The following PTPRS variants were observed in gnomAD, a reference collection of about 807,000 sequenced individuals.
The protein encoded by PTPRS is protein tyrosine phosphatase receptor type S.
PTPRS carries 63 observed loss-of-function variants against 215.3 expected under a neutral mutation model. The ratio of observed to expected loss-of-function variants is 0.29; its 90% confidence interval spans 0.24 to 0.36. PTPRS has a LOEUF of 0.36. Ranked by LOEUF, PTPRS falls within the 10% of genes least tolerant of loss-of-function variation. PTPRS has a pLI of 1.00. For synonymous variants in PTPRS, 1,404 were observed against 1,191.4 expected, an observed-to-expected ratio of 1.18 and a Z score of -3.68; for missense variants, 2,258 against 2,825.8, an observed-to-expected ratio of 0.80 and a Z score of 4.56.
At chr19:5,248,415 G>A (rs1005353630) in intron 9 of PTPRS, among the ~76,000 whole-genome samples, 10 of 151,726 alleles carry the variant, frequency 6.6e-5, no homozygotes, top group African/African-American at 2.4e-4. Flanking sequence ...TGGAATGGGT[G>A]TGGGGCTGAA....
intron 1 of PTPRS, among the ~76,000 whole-genome samples, chr19:5,336,030 G>C (rs1305676161): frequency 6.8e-6 from 1 of 148,138 alleles, no homozygotes; most frequent in Non-Finnish European, 1.5e-5. Context: ...AAAAAAAAAA[G>C]AGAGAGACAA....
chr19:5,242,628 C>A (rs925943870), intron 11 of PTPRS, among the ~76,000 whole-genome samples: 7 of 152,080 alleles, frequency 4.6e-5, no homozygotes, highest in Non-Finnish European at 8.8e-5. Flanking sequence ...ATCCACCCGC[C>A]TCAGCCTCCT....
chr19:5,314,600 G>GGC (rs369656645), intron 1 of PTPRS, among the ~76,000 whole-genome samples: 20 of 151,496 alleles, frequency 1.3e-4, no homozygotes, highest in African/African-American at 4.8e-4. Context: ...ATGTTGCCCA[G>GGC]GCTGGTCTTG....
At chr19:5,225,236 C>T (rs2042375801) in intron 17 of PTPRS, among the ~76,000 whole-genome samples, 1 of 151,982 alleles carries the variant, frequency 6.6e-6, no homozygotes. Context: ...ACAGGTGCAC[C>T]ACCCTGAAAT....
intron 1 of PTPRS, among the ~76,000 whole-genome samples, chr19:5,300,687 G>A (rs915729070): frequency 1.4e-5 from 2 of 147,766 alleles, no homozygotes; most frequent in Admixed American, 1.4e-4. Context: ...AGGATTGCTT[G>A]AGCCCAAGAG....
chr19:5,216,697 CA>C, intron 26 of PTPRS, 22 bp downstream of exon 26: 3 of 1,537,518 alleles, frequency 2.0e-6, no homozygotes, highest in South Asian at 1.2e-5. Flanking sequence ...GAAAGGAAGC[CA>C]AAAACAGACA....
intron 5 of PTPRS, among the ~76,000 whole-genome samples, chr19:5,263,265 A>G (rs1243741158): frequency 2.0e-5 from 3 of 152,098 alleles, no homozygotes; most frequent in African/African-American, 7.2e-5. Flanking sequence ...TGAGCTGCAA[A>G]CATCCTCAGC....
At position 5,221,194 on chromosome 19, in the gene PTPRS, C is replaced by G. The variant is rs781565996; in HGVS notation, c.3261G>C (p.Thr1087=). ...TGTAGAAGGTGTGGGGCTTGAGGTG[C>G]GTGATGAGCTTCTTGGTGGTACGGC... ...VDGRTTKKLI[T]HLKPHTFYNF... The change falls in exon 20 of 38, where the codon ACG becomes ACC. Residue 1087 remains threonine, a synonymous_variant. Transcript: ENST00000262963. 3.7e-6 allele frequency: 6 copies of G among 1,613,862 alleles called. No homozygotes were observed. Among genetic ancestry groups the G allele is most frequent in the Non-Finnish European group, 3.4e-6 (4 of 1,179,970 alleles).
intron 1 of PTPRS, among the ~76,000 whole-genome samples, chr19:5,312,258 C>T (rs949305809): frequency 6.6e-6 from 1 of 152,134 alleles, no homozygotes; most frequent in African/African-American, 2.4e-5. Context: ...ACATCCCTGG[C>T]TGTGTGCGTC....
intron 1 of PTPRS, among the ~76,000 whole-genome samples, chr19:5,319,794 C>A (rs1489328160): frequency 6.6e-6 from 1 of 151,952 alleles, no homozygotes; most frequent in East Asian, 1.9e-4. Context: ...TTCCTCCTCA[C>A]CTCCATCAGG....
At chr19:5,239,537 GAGA>G (rs759564774) in intron 12 of PTPRS, among the ~76,000 whole-genome samples, 88 of 151,390 alleles carry the variant, frequency 5.8e-4, no homozygotes, top group Non-Finnish European at 1.0e-3. Flanking sequence ...TAGAGAAATT[GAGA>G]AGGAGACAGA....
intron 1 of PTPRS, among the ~76,000 whole-genome samples, chr19:5,328,507 G>A (rs2050229819): frequency 6.6e-6 from 1 of 151,944 alleles, no homozygotes; most frequent in African/African-American, 2.4e-5. Flanking sequence ...CAAAGTGTTG[G>A]GATTATAGGC....
chr19:5,210,452 T>C lies in PTPRS; in HGVS notation c.5487+17A>G. 1 of 1,614,066 alleles carries C rather than the reference T, an allele frequency of 6.2e-7. No individual in the cohort carries two copies. Among genetic ancestry groups the C allele is most frequent in the Non-Finnish European group, 8.5e-7 (1 of 1,179,948 alleles). On this transcript the variant is annotated intron_variant, in intron 35 of 37. Coordinates refer to ENST00000262963, the MANE Select transcript of PTPRS (RefSeq NM_002850.4). The surrounding 1 kb of genome is among the most constrained non-coding windows in gnomAD (Gnocchi z 4.5). ...CTAAGGCTCCAGCCCCTCCCGCCAGTCTGTCTCTTCACTCACCCGGGCATC... is the reference window on the plus strand; with the variant it reads ...CTAAGGCTCCAGCCCCTCCCGCCAGCCTGTCTCTTCACTCACCCGGGCATC...
chr19:5,220,545 C>T (rs1055947399), intron 20 of PTPRS, among the ~76,000 whole-genome samples, 192 bp from the exon 21 acceptor site: 3 of 152,236 alleles, frequency 2.0e-5, no homozygotes, highest in African/African-American at 7.2e-5. Flanking sequence ...TGATGCTGTA[C>T]TTTCTGCGTA....
chr19:5,211,837 A>G (rs941916611), intron 32 of PTPRS, 69 bp from the exon 33 acceptor site: 2 of 1,588,806 alleles, frequency 1.3e-6, no homozygotes, highest in African/African-American at 1.3e-5. Flanking sequence ...TGGAGCACCA[A>G]TGGTGGATAG....
Position 5,257,947 on chromosome 19 carries a change from T to A in PTPRS, c.706+70A>T, listed in dbSNP as rs1189801210. The A allele has an allele frequency of 4.4e-6, 6 of 1,363,954 alleles. No individual in the cohort carries two copies. The highest frequency in any genetic ancestry group is 6.1e-6 in the Non-Finnish European group (6 of 978,980). The allele number at this position is 1,363,954 out of a possible 1,614,324, so 84.5% of individuals were successfully genotyped here. On this transcript the variant is annotated intron_variant, in intron 8 of 37. Coordinates refer to ENST00000262963, the MANE Select transcript of PTPRS (RefSeq NM_002850.4). This position sits in a 1 kb window ranked among gnomAD's most constrained non-coding sequence, Gnocchi z 4.4. ...AGGGGACGGGGGAGCCCGGAGGCGG[T>A]GAGCCCGAGGAGGGAGGGGGATGGG...
intron 1 of PTPRS, among the ~76,000 whole-genome samples, chr19:5,320,600 C>A (rs1206774285): frequency 6.6e-6 from 1 of 151,952 alleles, no homozygotes; most frequent in Non-Finnish European, 1.5e-5. Flanking sequence ...ATTTTTGTAT[C>A]TTTTTAGTAA....
At chr19:5,336,209 G>GT (rs531115171) in intron 1 of PTPRS, among the ~76,000 whole-genome samples, 8,194 of 113,906 alleles carry the variant, frequency 0.072, 339 homozygotes, top group Admixed American at 0.12. Context: ...GGTACGTCGG[G>GT]TTTTTTTTTT....
intron 1 of PTPRS, among the ~76,000 whole-genome samples, chr19:5,307,912 G>T (rs926726866): frequency 6.6e-6 from 1 of 152,162 alleles, no homozygotes; most frequent in Non-Finnish European, 1.5e-5. Flanking sequence ...GTCTATGGCT[G>T]CTTTCACGCT....
Sources: gnomAD v4.1 joint callset for allele counts (sites outside exome capture counted in the v4.1 genomes callset) on GRCh38, gnomAD v4.1.1 for gene constraint, Gnocchi (gnomAD v3.1) non-coding constraint, MANE v1.5 for transcripts, NCBI Gene and HGNC (gene_info 2026-07-23, HGNC 2026-07-21) for gene names.